Variants in GPC5 observed in about 807,000 individuals in gnomAD.
GPC5 encodes glypican 5.
GPC5 carries 47 observed loss-of-function variants against 53.9 expected under a neutral mutation model. The observed-to-expected ratio is 0.87, with a 90% CI of 0.69 to 1.11. GPC5 has a LOEUF of 1.11. GPC5 is among the 50% of genes most tolerant of loss of function. The probability of loss-of-function intolerance (pLI) is 0.00; values close to 1 mark genes in which losing one functional copy is unlikely to be tolerated. For synonymous variants in GPC5, 286 were observed against 263.3 expected (o/e 1.09, Z -0.84); for missense variants, 748 against 713.1 (o/e 1.05, Z -0.56).
intron 7 of GPC5, among the ~76,000 whole-genome samples, chr13:92,385,636 T>TATATACTTATACAC (rs1329338295): frequency 7.0e-6 from 1 of 142,414 alleles, no homozygotes; most frequent in Non-Finnish European, 1.5e-5. Flanking sequence ...CATATATACA[T>TATATACTTATACAC]ATATACCTAT....
At position 92,477,610 on chromosome 13, in the gene GPC5, T is replaced by C. The variant is rs183183494; in HGVS notation, c.1561+332621T>C. Among the ~76,000 whole-genome samples the C allele has an allele frequency of 3.2e-3, 480 of 152,280 alleles. 6 individuals are homozygous for C. The highest frequency in any genetic ancestry group is 0.01 in the African/African-American group (432 of 41,560). ...TTCTTCCTTGAAAATTTTGTGTTTT[T>C]ATAATAAAAGTAGCTGTAGCCAAAA... On this transcript the variant is annotated intron_variant, in intron 7 of 7. Coordinates refer to ENST00000377067, the MANE Select transcript of GPC5 (RefSeq NM_004466.6).
chr13:91,749,801 A>G (rs1446863584), intron 4 of GPC5, among the ~76,000 whole-genome samples: 1 of 152,212 alleles, frequency 6.6e-6, no homozygotes, highest in Non-Finnish European at 1.5e-5. Context: ...TTAGTATTTT[A>G]AAAGTAGGGA....
At chr13:91,632,883 C>T (rs1173662617) in intron 2 of GPC5, among the ~76,000 whole-genome samples, 3 of 151,938 alleles carry the variant, frequency 2.0e-5, no homozygotes, top group African/African-American at 4.8e-5. Flanking sequence ...AGCTGAAACC[C>T]GTGTTGGAAT....
At chr13:92,783,730 C>T (rs927559950) in intron 7 of GPC5, among the ~76,000 whole-genome samples, 2 of 152,056 alleles carry the variant, frequency 1.3e-5, no homozygotes, top group Non-Finnish European at 2.9e-5. Flanking sequence ...AGGTTTTGCC[C>T]TTGTCTATTT....
chr13:92,498,320 A>G (rs1255393821), intron 7 of GPC5, among the ~76,000 whole-genome samples: 1 of 152,100 alleles, frequency 6.6e-6, no homozygotes, highest in Non-Finnish European at 1.5e-5. Flanking sequence ...GAGGGGCCAC[A>G]TGTGCCATAT....
At position 91,972,640 on chromosome 13, in the gene GPC5, G is replaced by A. The variant is rs574915612; in HGVS notation, c.1401+64583G>A. Among the ~76,000 whole-genome samples the A allele has an allele frequency of 3.9e-5, 6 of 152,174 alleles. No homozygotes were observed. In the South Asian group the frequency reaches 1.2e-3, roughly 32 times the overall value. On this transcript the variant is annotated intron_variant, in intron 6 of 7. Transcript: ENST00000377067. The stretch of plus-strand genomic sequence containing the variant: ...TTTCCATGTTTAGTGCTTCCTTCAG[G>A]AGCTCTTTTAGGGCAGGCCTGGTGG...
chr13:91,895,538 A>G (rs932943576), intron 5 of GPC5, among the ~76,000 whole-genome samples: 1 of 151,968 alleles, frequency 6.6e-6, no homozygotes, highest in African/African-American at 2.4e-5. Flanking sequence ...TTTTGTAGTC[A>G]TTTCTGATGG....
chr13:92,055,007 A>G (rs759120036), intron 6 of GPC5, among the ~76,000 whole-genome samples: 7 of 152,340 alleles, frequency 4.6e-5, no homozygotes, highest in Middle Eastern at 3.4e-3. Context: ...TTTTATGAAT[A>G]GGAAATATAA....
chr13:91,438,022 T>G (rs1472074538), intron 1 of GPC5, among the ~76,000 whole-genome samples: 1 of 137,454 alleles, frequency 7.3e-6, no homozygotes, highest in Non-Finnish European at 1.6e-5. Context: ...CATCAGGTCC[T>G]TTAAGGACTT....
chr13:92,572,246 G>A (rs1183441193), intron 7 of GPC5, among the ~76,000 whole-genome samples: 1 of 152,070 alleles, frequency 6.6e-6, no homozygotes, highest in Non-Finnish European at 1.5e-5. Flanking sequence ...CTAAATAATA[G>A]AACTATCATC....
chr13:91,498,156 C>T (rs556263142), intron 2 of GPC5, among the ~76,000 whole-genome samples: 20 of 151,530 alleles, frequency 1.3e-4, no homozygotes, highest in South Asian at 8.4e-4. Context: ...CACACACACA[C>T]GCCTGGTTTT....
intron 5 of GPC5, among the ~76,000 whole-genome samples, chr13:91,866,578 T>C (rs2039087764): frequency 1.3e-5 from 2 of 152,264 alleles, no homozygotes; most frequent in East Asian, 3.9e-4. Flanking sequence ...CCTTAAGCCA[T>C]GATTGACAGC....
intron 7 of GPC5, among the ~76,000 whole-genome samples, chr13:92,390,308 G>A (rs1874934717): frequency 1.3e-5 from 2 of 152,128 alleles, no homozygotes; most frequent in Admixed American, 1.3e-4. Flanking sequence ...CTGGATTAGA[G>A]GTGGTAAACC....
intron 4 of GPC5, among the ~76,000 whole-genome samples, chr13:91,734,935 G>T (rs760055463): frequency 6.7e-6 from 1 of 149,550 alleles, no homozygotes; most frequent in Non-Finnish European, 1.5e-5. Flanking sequence ...TTTTCTACTA[G>T]ATTTTTTTTC....
chr13:92,170,504 G>C (rs1410162358), intron 7 of GPC5, among the ~76,000 whole-genome samples: 1 of 138,808 alleles, frequency 7.2e-6, no homozygotes, highest in Non-Finnish European at 1.5e-5. Flanking sequence ...TGGCTCACTG[G>C]AACCTCCACC....
intron 6 of GPC5, among the ~76,000 whole-genome samples, chr13:92,141,017 G>T (rs995080210): frequency 8.5e-5 from 13 of 152,198 alleles, no homozygotes; most frequent in Admixed American, 2.0e-4. Flanking sequence ...CCATGTGGAT[G>T]TTGGAGGAGG....
intron 4 of GPC5, among the ~76,000 whole-genome samples, chr13:91,745,083 G>A (rs1419122842): frequency 6.6e-6 from 1 of 152,038 alleles, no homozygotes; most frequent in Non-Finnish European, 1.5e-5. Flanking sequence ...TTTCATTAAT[G>A]GGTTGAAGTC....
chr13:92,402,094 T>C (rs966387158), intron 7 of GPC5, among the ~76,000 whole-genome samples: 11 of 152,204 alleles, frequency 7.2e-5, no homozygotes, highest in African/African-American at 2.2e-4. Context: ...ACACCCCGCT[T>C]CTACTTTGTT....
intron 7 of GPC5, among the ~76,000 whole-genome samples, chr13:92,851,057 G>A (rs1878782665): frequency 6.6e-6 from 1 of 152,146 alleles, no homozygotes; most frequent in South Asian, 2.1e-4. Context: ...AAGGAAGCAG[G>A]CATGTCTTGC....
Sources: allele counts gnomAD v4.1 joint callset (sites outside exome capture counted in the v4.1 genomes callset), GRCh38; gene constraint gnomAD v4.1.1; transcripts MANE v1.5; gene names NCBI Gene and HGNC (gene_info 2026-07-23, HGNC 2026-07-21).